The following CPED1 variants were observed in gnomAD, a reference collection of about 807,000 sequenced individuals.
The protein encoded by CPED1 is cadherin like and PC-esterase domain containing 1.
CPED1 carries 114 observed loss-of-function variants against 128.2 expected under a neutral mutation model. The ratio of observed to expected loss-of-function variants is 0.89; its 90% CI spans 0.76 to 1.04. CPED1 has a LOEUF of 1.04. Among genes scored for constraint, CPED1 ranks in the 50% least tolerant of loss-of-function variants. The probability of loss-of-function intolerance (pLI) is 0.00; values close to 1 mark genes in which losing one functional copy is unlikely to be tolerated. For missense variants in CPED1, 1,211 were observed against 1,207.1 expected, an observed-to-expected ratio of 1.00 and a Z score of -0.05; for synonymous variants, 462 against 426.7, an observed-to-expected ratio of 1.08 and a Z score of -1.02.
chr7:121,192,529 A>T (rs1377727485), intron 16 of CPED1, among the ~76,000 whole-genome samples: 1 of 152,138 alleles, frequency 6.6e-6, no homozygotes, highest in Non-Finnish European at 1.5e-5. Context: ...CAAGCAGGAC[A>T]TCCCTCGAGT....
At chr7:121,050,589 G>C (rs553649790) in intron 4 of CPED1, 14 of 278,236 alleles carry the variant, frequency 5.0e-5, no homozygotes, top group Non-Finnish European at 7.9e-5. Context: ...TCAGCCTCTG[G>C]AGCAGCTGGG....
At chr7:121,084,357 T>C (rs1341352823) in intron 5 of CPED1, among the ~76,000 whole-genome samples, 1 of 152,226 alleles carries the variant, frequency 6.6e-6, no homozygotes, top group East Asian at 1.9e-4. Context: ...GAAAGTAATT[T>C]ATAATATAAC....
chr7:121,087,834 T>G (rs960066936), intron 5 of CPED1, among the ~76,000 whole-genome samples: 1 of 151,826 alleles, frequency 6.6e-6, no homozygotes, highest in East Asian at 1.9e-4. Context: ...TAATGTTTTT[T>G]AATTTTTAGT....
At chr7:121,002,650 G>A (rs934430050) in intron 2 of CPED1, among the ~76,000 whole-genome samples, 2 of 149,314 alleles carry the variant, frequency 1.3e-5, no homozygotes, top group African/African-American at 2.5e-5. Flanking sequence ...AAGAAAGGAG[G>A]TGAGTGTACT....
chr7:121,279,362 C>T (rs1363146975), intron 22 of CPED1, among the ~76,000 whole-genome samples: 4 of 151,994 alleles, frequency 2.6e-5, no homozygotes, highest in South Asian at 4.2e-4. Flanking sequence ...CTAAATGAGG[C>T]AGATTGACCA....
intron 14 of CPED1, among the ~76,000 whole-genome samples, chr7:121,140,092 C>T (rs1043666943): frequency 6.6e-6 from 1 of 151,980 alleles, no homozygotes; most frequent in African/African-American, 2.4e-5. Context: ...GCCTATAAAA[C>T]AATTTTTTCT....
At chr7:121,233,327 G>T (rs1168008434) in intron 16 of CPED1, among the ~76,000 whole-genome samples, 2 of 152,020 alleles carry the variant, frequency 1.3e-5, no homozygotes, top group African/African-American at 4.8e-5. Flanking sequence ...ACAGAACTCT[G>T]CTAAATACTA....
intron 18 of CPED1, among the ~76,000 whole-genome samples, chr7:121,250,634 A>G (rs1798649465): frequency 6.6e-6 from 1 of 152,232 alleles, no homozygotes; most frequent in Non-Finnish European, 1.5e-5. Context: ...GACAAACGGG[A>G]TATCACCATC....
chr7:121,113,976 G>A (rs1053087014), intron 7 of CPED1, among the ~76,000 whole-genome samples: 1 of 151,954 alleles, frequency 6.6e-6, no homozygotes, highest in Non-Finnish European at 1.5e-5. Flanking sequence ...CTATAGATGC[G>A]CACCACCATG....
chr7:121,177,129 G>A, intron 16 of CPED1, among the ~76,000 whole-genome samples: 1 of 152,028 alleles, frequency 6.6e-6, no homozygotes, highest in East Asian at 1.9e-4. Flanking sequence ...GTACCACTGA[G>A]ATTTAGATGC....
At chr7:121,165,181 C>T (rs1796496434) in intron 16 of CPED1, among the ~76,000 whole-genome samples, 1 of 152,050 alleles carries the variant, frequency 6.6e-6, no homozygotes, top group African/African-American at 2.4e-5. Flanking sequence ...AAAGTAATAT[C>T]AAGCATCAGA....
chr7:121,125,808 T>A lies in CPED1; in HGVS notation c.1062-12T>A, dbSNP rs779354678. The A allele has an allele frequency of 3.1e-6, 5 of 1,600,992 alleles. No homozygotes were observed. Among genetic ancestry groups the A allele is most frequent in the Non-Finnish European group, 3.4e-6 (4 of 1,168,646 alleles). On this transcript the variant is annotated splice_polypyrimidine_tract_variant and intron_variant, in intron 8 of 22. Transcript: ENST00000310396. The stretch of plus-strand genomic sequence containing the variant: ...ATCTTTACTTTTATGGTACCTTGTG[T>A]TTTCATTTTAGATGCAGATTCTGCT...
At chr7:121,006,261 G>C (rs150422768) in intron 2 of CPED1, among the ~76,000 whole-genome samples, 4 of 151,920 alleles carry the variant, frequency 2.6e-5, no homozygotes, top group African/African-American at 4.8e-5. Flanking sequence ...CTTGTCCTCT[G>C]CTTGTTATTT....
At chr7:121,179,318 T>C (rs1796851230) in intron 16 of CPED1, among the ~76,000 whole-genome samples, 1 of 152,086 alleles carries the variant, frequency 6.6e-6, no homozygotes, top group Admixed American at 6.6e-5. Context: ...AGTTTGGCAC[T>C]GAATGAAATA....
intron 7 of CPED1, among the ~76,000 whole-genome samples, chr7:121,117,098 T>TATATATATAA (rs1226906588): frequency 1.5e-5 from 2 of 134,660 alleles, no homozygotes; most frequent in South Asian, 2.3e-4. Flanking sequence ...TATATATATA[T>TATATATATAA]AAATATATAT....
At chr7:121,199,660 A>T (rs1203731202) in intron 16 of CPED1, among the ~76,000 whole-genome samples, 4 of 135,064 alleles carry the variant, frequency 3.0e-5, no homozygotes, top group Non-Finnish European at 4.7e-5. Flanking sequence ...CTGGCAACAG[A>T]GTGAGACTCC....
chr7:120,988,746 C>CGT lies in CPED1; in HGVS notation c.-393_-392dup, dbSNP rs1796261859. Reference sequence around the variant, plus strand: ...GCCGGGCGTGCAGCGGGCGCGCGCGCGTGTGTTTATGTGTCTGTGTGCGTG... The same window carrying CGT: ...GCCGGGCGTGCAGCGGGCGCGCGCGCGTGTGTGTTTATGTGTCTGTGTGCGTG... On this transcript the variant is annotated 5_prime_UTR_variant, in exon 1 of 23. Transcript: ENST00000310396. 6.6e-6 allele frequency: 1 copy of CGT among 152,112 alleles called. No homozygotes were observed. Among genetic ancestry groups the CGT allele is most frequent in the Non-Finnish European group, 1.5e-5 (1 of 68,166 alleles). The allele number at this position is 152,112 out of a possible 1,614,324, so 9.4% of individuals were successfully genotyped here. A position where few individuals can be genotyped will look rare whatever the true frequency, so the allele number is the denominator to read the frequency against.
chr7:121,099,192 A>C (rs958596966), intron 6 of CPED1, among the ~76,000 whole-genome samples: 1 of 151,958 alleles, frequency 6.6e-6, no homozygotes, highest in African/African-American at 2.4e-5. Flanking sequence ...AATAGAGCAA[A>C]GGTAGGCAGA....
chr7:121,114,644 T>C (rs1474803456), intron 7 of CPED1, among the ~76,000 whole-genome samples: 1 of 152,238 alleles, frequency 6.6e-6, no homozygotes, highest in African/African-American at 2.4e-5. Context: ...CTTGGTCTAA[T>C]TGCAATTAAG....
Sources: gnomAD v4.1 joint callset for allele counts (sites outside exome capture counted in the v4.1 genomes callset) on GRCh38, gnomAD v4.1.1 for gene constraint, MANE v1.5 for transcripts, NCBI Gene and HGNC (gene_info 2026-07-23, HGNC 2026-07-21) for gene names.